Variants in DOCK7 observed in about 807,000 individuals in gnomAD.
DOCK7 encodes the protein dedicator of cytokinesis protein 7.
A neutral mutation model predicts 271.0 loss-of-function variants in DOCK7; 138 were observed. The observed-to-expected ratio is 0.51, with a 90% CI of 0.44 to 0.59. DOCK7 has a LOEUF of 0.59. Among genes scored for constraint, DOCK7 ranks in the 20% least tolerant of loss-of-function variants. DOCK7 has a pLI of 0.00. For synonymous variants in DOCK7, 823 were observed against 876.1 expected, an observed-to-expected ratio of 0.94 and a Z score of 1.07; for missense variants, 2,066 against 2,592.4, an observed-to-expected ratio of 0.80 and a Z score of 4.41.
intron 14 of DOCK7, chr1:62,601,009 C>A: frequency 1.1e-6 from 1 of 873,864 alleles, no homozygotes. Context: ...GTACTTCTGA[C>A]ATCCTTACTC....
At position 62,618,838 on chromosome 1, in the gene DOCK7, G is replaced by A; in HGVS notation, c.1550C>T (p.Pro517Leu). 2.5e-6 allele frequency: 4 copies of A among 1,613,698 alleles called. No individual in the cohort carries two copies. Among genetic ancestry groups the A allele is most frequent in the Non-Finnish European group, 3.4e-6 (4 of 1,179,776 alleles). The change falls in exon 14 of 50, where the codon CCT becomes CTT. Residue 517 changes from proline (P) to leucine (L), a missense_variant. Pro to Leu is a moderately conservative substitution (Grantham distance 98, BLOSUM62 -3). Coordinates refer to ENST00000635253, the MANE Select transcript of DOCK7 (RefSeq NM_001367561.1). The part of the protein sequence containing the change: ...AQLKIDISPA[P>L]ENPHYCLTPE... ...AGTTAGGCAATAATGGGGATTTTCA[G>A]GTGCGGGAGAAATGTCTATCTTGAG...
chr1:62,571,286 C>G (rs566514244), intron 18 of DOCK7, among the ~76,000 whole-genome samples: 1 of 152,058 alleles, frequency 6.6e-6, no homozygotes, highest in Non-Finnish European at 1.5e-5. Context: ...ATGTGGCCAA[C>G]AAACATACGA....
At chr1:62,634,607 G>A in intron 9 of DOCK7, 166 bp downstream of exon 9, 1 of 574,392 alleles carries the variant, frequency 1.7e-6, no homozygotes, top group Non-Finnish European at 2.9e-6. Flanking sequence ...AAGAGTTCAA[G>A]AAAAATTAGG....
At chr1:62,499,894 A>C (rs1227921939) in intron 37 of DOCK7, among the ~76,000 whole-genome samples, 1 of 151,194 alleles carries the variant, frequency 6.6e-6, no homozygotes, top group Non-Finnish European at 1.5e-5. Context: ...AAATAAATAA[A>C]TAAATACACA....
chr1:62,524,349 C>A (rs1644938095), intron 31 of DOCK7, among the ~76,000 whole-genome samples: 1 of 151,948 alleles, frequency 6.6e-6, no homozygotes, highest in Non-Finnish European at 1.5e-5. Flanking sequence ...AGTCTATGAC[C>A]CAACAAATTC....
intron 14 of DOCK7, among the ~76,000 whole-genome samples, chr1:62,612,014 G>T (rs1651855717): frequency 6.6e-6 from 1 of 151,854 alleles, no homozygotes; most frequent in South Asian, 2.1e-4. Context: ...AAATTAGCTG[G>T]GTGTGGTGGC....
intron 29 of DOCK7, among the ~76,000 whole-genome samples, chr1:62,532,716 A>T (rs1645215467): frequency 6.6e-6 from 1 of 152,232 alleles, no homozygotes. Flanking sequence ...GAAGAACCAC[A>T]AGCAAGAAAT....
chr1:62,490,013 C>T (rs193165948), intron 41 of DOCK7, among the ~76,000 whole-genome samples: 1 of 149,890 alleles, frequency 6.7e-6, no homozygotes, highest in Non-Finnish European at 1.5e-5. Flanking sequence ...ATCACATAAT[C>T]AGAGTGAGAG....
At chr1:62,549,447 G>A (rs1330378435) in intron 22 of DOCK7, among the ~76,000 whole-genome samples, 1 of 152,164 alleles carries the variant, frequency 6.6e-6, no homozygotes, top group Non-Finnish European at 1.5e-5. Context: ...AGGTAGCACA[G>A]AAATAGCAAG....
intron 40 of DOCK7, 70 bp downstream of exon 40, chr1:62,494,205 A>C (rs1379590105): frequency 3.7e-6 from 5 of 1,357,494 alleles, no homozygotes; most frequent in Non-Finnish European, 4.9e-6. Flanking sequence ...AAAAATCTAA[A>C]CACCAGTGAG....
chr1:62,643,520 T>C (rs1337457558), intron 7 of DOCK7, among the ~76,000 whole-genome samples: 1 of 152,238 alleles, frequency 6.6e-6, no homozygotes, highest in Non-Finnish European at 1.5e-5. Context: ...GCATAGGATC[T>C]CTTTTTCTCT....
chr1:62,639,171 C>A (rs1005847968), intron 7 of DOCK7, among the ~76,000 whole-genome samples: 6 of 151,796 alleles, frequency 4.0e-5, no homozygotes, highest in Non-Finnish European at 5.9e-5. Flanking sequence ...AAATAAAGTT[C>A]TTCAAAACTG....
At chr1:62,646,988 A>T (rs1305817404) in intron 7 of DOCK7, among the ~76,000 whole-genome samples, 1 of 152,210 alleles carries the variant, frequency 6.6e-6, no homozygotes, top group African/African-American at 2.4e-5. Context: ...CAATGCACTT[A>T]ATCTATCTAA....
chr1:62,633,689 T>C (rs1290378314), intron 9 of DOCK7, 111 bp from the exon 10 acceptor site: 8 of 708,472 alleles, frequency 1.1e-5, no homozygotes, highest in African/African-American at 1.8e-5. Context: ...GAAAAAAATA[T>C]ATGACATCTC....
At chr1:62,605,024 C>T in intron 14 of DOCK7, 3 of 527,864 alleles carry the variant, frequency 5.7e-6, no homozygotes, top group East Asian at 3.3e-5. Flanking sequence ...TCTTATAATA[C>T]TATTTGTTTT....
Position 62,510,627 on chromosome 1 carries a change from C to A in DOCK7, c.4329G>T (p.Arg1443Ser). The change falls in exon 34 of 50, where the codon AGG becomes AGT. Residue 1443 changes from arginine (R) to serine (S), a missense_variant. Physicochemically the swap from Arg to Ser is moderately radical, Grantham distance 110 (BLOSUM62 -1). Transcript: ENST00000635253. ...GCCAGTGAGTCATATCTTTCCTCCA[C>A]CTCAAATTTTCTTGACTTCCAAAGG... is the stretch of plus-strand genomic sequence containing the variant. Reference protein sequence around the residue: ...GSAFGSQENLRWRKDMTHWRQ... With the variant: ...GSAFGSQENLSWRKDMTHWRQ... 1 of 1,613,318 alleles carries A rather than the reference C, an allele frequency of 6.2e-7. No individual in the cohort carries two copies. The highest frequency in any genetic ancestry group is 8.5e-7 in the Non-Finnish European group (1 of 1,179,568).
At chr1:62,535,742 AT>A (rs1170787947) in intron 28 of DOCK7, 110 bp from the exon 29 acceptor site, 1 of 1,092,462 alleles carries the variant, frequency 9.2e-7, no homozygotes, top group Non-Finnish European at 1.2e-6. Context: ...TTTATTTTAT[AT>A]TACTAACACT....
chr1:62,518,552 T>G (rs1241452630), intron 31 of DOCK7, among the ~76,000 whole-genome samples: 3 of 143,482 alleles, frequency 2.1e-5, no homozygotes, highest in Non-Finnish European at 3.0e-5. Flanking sequence ...CCAGCCTGGG[T>G]GACAGAGTGA....
chr1:62,455,991 T>C (rs1294755695), intron 49 of DOCK7, among the ~76,000 whole-genome samples: 1 of 152,188 alleles, frequency 6.6e-6, no homozygotes, highest in Non-Finnish European at 1.5e-5. Flanking sequence ...GCATTGCTTA[T>C]TAAAAATGAT....
Sources: allele counts gnomAD v4.1 joint callset (sites outside exome capture counted in the v4.1 genomes callset), GRCh38; gene constraint gnomAD v4.1.1; transcripts MANE v1.5; gene names NCBI Gene and HGNC (gene_info 2026-07-23, HGNC 2026-07-21).